PDE4C: variants seen among roughly 807,000 people sequenced by gnomAD.
The protein encoded by PDE4C is phosphodiesterase 4C.
Under a neutral mutation model 63.9 loss-of-function variants are expected in PDE4C, and 50 were observed. The ratio of observed to expected loss-of-function variants is 0.78; its 90% CI spans 0.62 to 0.99. PDE4C has a LOEUF of 0.99. Ranked by LOEUF, PDE4C falls within the 50% of genes least tolerant of loss-of-function variation. The pLI, the probability that PDE4C is intolerant of heterozygous loss-of-function variation, is 0.00. For synonymous variants in PDE4C, 377 were observed against 385.1 expected, an observed-to-expected ratio of 0.98 and a Z score of 0.25; for missense variants, 777 against 899.1, an observed-to-expected ratio of 0.86 and a Z score of 1.74.
chr19:18,233,179 C>T (rs1968887149), exon 1 of PDE4C: 1 of 1,558,572 alleles, frequency 6.4e-7, no homozygotes, highest in East Asian at 2.4e-5. Flanking sequence ...TCGCCGACCC[C>T]CAGGTTCTCC....
chr19:18,214,134 G>A (rs1183684954), intron 12 of PDE4C, among the ~76,000 whole-genome samples: 4 of 151,792 alleles, frequency 2.6e-5, no homozygotes, highest in African/African-American at 7.3e-5. Context: ...GGTGGGCACC[G>A]GTAGTCCCAG....
rs767535982 is a variant in PDE4C at position 18,216,721 on chromosome 19, G to A, written c.1389+20C>T. On this transcript the variant is annotated intron_variant, in intron 12 of 14. Coordinates refer to ENST00000262805, the Ensembl canonical transcript of PDE4C. ...CGCTCCCCTCTGCCCCTCCCGCCCC[G>A]CTTACTGCCCTGGCCTCACCATGTC... 9.6e-6 allele frequency: 12 copies of A among 1,251,862 alleles called. No individual in the cohort carries two copies. Among genetic ancestry groups the A allele is most frequent in the Middle Eastern group, 2.6e-4 (1 of 3,846 alleles). 77.5% of individuals were successfully genotyped at this position (1,251,862 alleles called of 1,614,324 possible).
At chr19:18,245,695 C>T (rs1969116684) in intron 1 of PDE4C, among the ~76,000 whole-genome samples, 1 of 152,160 alleles carries the variant, frequency 6.6e-6, no homozygotes, top group African/African-American at 2.4e-5. Flanking sequence ...TCTCATGAGC[C>T]CTGTCATTTT....
upstream of PDE4C, chr19:18,226,589 A>T (rs1968737763): frequency 2.6e-6 from 1 of 384,730 alleles, no homozygotes; most frequent in East Asian, 4.3e-5. Context: ...ACAGAGTCAG[A>T]CGCAACTCTC....
At chr19:18,219,565 T>A in intron 7 of PDE4C, 168 bp from the exon 8 acceptor site, 1 of 706,876 alleles carries the variant, frequency 1.4e-6, no homozygotes, top group South Asian at 2.0e-5. Context: ...GGCTCACGCC[T>A]GTAATCCCAG....
chr19:18,238,523 C>T (rs1219739134), upstream of PDE4C, among the ~76,000 whole-genome samples: 2 of 151,768 alleles, frequency 1.3e-5, no homozygotes, highest in Non-Finnish European at 2.9e-5. Context: ...CAGGTGTGAG[C>T]CACTGCGCCC....
chr19:18,230,183 AG>A (rs1555696630), upstream of PDE4C, among the ~76,000 whole-genome samples: 1 of 152,164 alleles, frequency 6.6e-6, no homozygotes. Context: ...CTGTTCCCTC[AG>A]TACTTGGCAC....
At chr19:18,253,302 G>A in the PDE4C span, among the ~76,000 whole-genome samples, 1 of 152,140 alleles carries the variant, frequency 6.6e-6, no homozygotes, top group African/African-American at 2.4e-5. Context: ...AGGATTGCCT[G>A]ACCCCAGGAA....
chr19:18,211,897 G>C (rs776176358), exon 14 of PDE4C: 3 of 1,614,214 alleles, frequency 1.9e-6, no homozygotes, highest in Non-Finnish European at 2.5e-6. Context: ...GCAGCGGCTT[G>C]GTGGGGTTGC....
At chr19:18,223,209 ATTTT>A (rs35666140) in intron 1 of PDE4C, among the ~76,000 whole-genome samples, 4 of 129,122 alleles carry the variant, frequency 3.1e-5, no homozygotes, top group Non-Finnish European at 1.6e-5. Context: ...CGCCCGGCTA[ATTTT>A]TTTTTTTTTT....
In PDE4C at chr19:18,220,670, C is replaced by T. The variant is rs1184866969; in HGVS notation, c.500-155G>A. 3.8e-6 allele frequency: 3 copies of T among 793,154 alleles called. No homozygotes were observed. Among genetic ancestry groups the T allele is most frequent in the South Asian group, 1.7e-5 (1 of 58,560 alleles). 49.1% of individuals were successfully genotyped at this position (793,154 alleles called of 1,614,324 possible). On this transcript the variant is annotated intron_variant, in intron 5 of 14. Transcript: ENST00000262805. This position sits in a 1 kb window ranked among gnomAD's most constrained non-coding sequence, Gnocchi z 5.1. ...AGTTCCAGATCTGTTCCCCGAGTGC[C>T]TGTGTGACCATGAGATCTCTGGGCC...
At chr19:18,246,783 C>T (rs530106696) in intron 1 of PDE4C, among the ~76,000 whole-genome samples, 2 of 152,036 alleles carry the variant, frequency 1.3e-5, no homozygotes, top group East Asian at 1.9e-4. Context: ...AAAAATCAGC[C>T]GGGCGTCAAG....
chr19:18,243,968 C>A (rs1402202830), intron 1 of PDE4C, among the ~76,000 whole-genome samples: 1 of 152,144 alleles, frequency 6.6e-6, no homozygotes, highest in Non-Finnish European at 1.5e-5. Context: ...GATTCTCCCA[C>A]CTCAGCCTCC....
rs1968859027 is a variant in PDE4C at position 18,232,045 on chromosome 19, C to T, written c.242+905G>A. On this transcript the variant is annotated intron_variant, in intron 1 of 14. Coordinates refer to the PDE4C transcript ENST00000594465. ...CTCCTCCCCCCAACACTGGAGGCAG[C>T]CTGCCCTGGCCCTTATATATCTATA... Among the ~76,000 whole-genome samples the T allele has an allele frequency of 2.0e-5, 3 of 152,174 alleles. No homozygotes were observed. In the South Asian group the frequency reaches 6.2e-4, roughly 32 times the overall value.
chr19:18,218,920 G>A lies in PDE4C; in HGVS notation c.969+20C>T, dbSNP rs969499519. On this transcript the variant is annotated intron_variant, in intron 9 of 14. Coordinates refer to ENST00000262805, the Ensembl canonical transcript of PDE4C. ...AAACCCCAGGAGTTTTTCCTTGGAAGCCAAGGGCAGGGTAGGTACCTGAAA... is the reference window on the plus strand; with the variant it reads ...AAACCCCAGGAGTTTTTCCTTGGAAACCAAGGGCAGGGTAGGTACCTGAAA... The A allele has an allele frequency of 1.3e-6, 2 of 1,574,308 alleles. No individual in the cohort carries two copies. Among genetic ancestry groups the A allele is most frequent in the Non-Finnish European group, 1.7e-6 (2 of 1,143,476 alleles).
At chr19:18,216,522 G>A (rs1968201137) in intron 12 of PDE4C, among the ~76,000 whole-genome samples, 3 of 152,090 alleles carry the variant, frequency 2.0e-5, no homozygotes, top group Non-Finnish European at 2.9e-5. Context: ...TGATTCGCCC[G>A]CCTCTGCTTC....
exon 13 of PDE4C, chr19:18,213,452 C>T: frequency 6.2e-7 from 1 of 1,613,550 alleles, no homozygotes; most frequent in South Asian, 1.1e-5. Flanking sequence ...TGAGGTCGGC[C>T]AGGAGGTTCA....
the PDE4C span, among the ~76,000 whole-genome samples, chr19:18,253,561 A>AC: frequency 9.8e-4 from 56 of 57,012 alleles, no homozygotes; most frequent in African/African-American, 3.2e-3. Context: ...AAAAAAAAAA[A>AC]AAACACACAC....
intron 1 of PDE4C, chr19:18,225,691 G>C (rs924973517): frequency 6.5e-6 from 1 of 152,994 alleles, no homozygotes; most frequent in Non-Finnish European, 1.5e-5. Flanking sequence ...CGAGTGCTTA[G>C]AGGATGCAGC....
Sources: allele counts gnomAD v4.1 joint callset (sites outside exome capture counted in the v4.1 genomes callset), GRCh38; gene constraint gnomAD v4.1.1; non-coding constraint Gnocchi (gnomAD v3.1); transcripts MANE v1.5; gene names NCBI Gene and HGNC (gene_info 2026-07-23, HGNC 2026-07-21).